CMKLR2: variants seen among roughly 807,000 people sequenced by gnomAD.
The protein encoded by CMKLR2 is chemerin-like receptor 2.
Under a neutral mutation model 23.0 loss-of-function variants are expected in CMKLR2, and 18 were observed. That is an observed-to-expected ratio of 0.78 (90% CI 0.54 to 1.16). CMKLR2 has a LOEUF of 1.16. Among genes scored for constraint, CMKLR2 ranks in the 50% most tolerant of loss-of-function variants. The probability of loss-of-function intolerance (pLI) is 0.00; values close to 1 mark genes in which losing one functional copy is unlikely to be tolerated. For missense variants in CMKLR2, 401 were observed against 412.7 expected (o/e 0.97, Z 0.25); for synonymous variants, 158 against 158.9 (o/e 0.99, Z 0.05).
chr2:206,182,763 A>T (rs562644780), intron 1 of CMKLR2, among the ~76,000 whole-genome samples: 1 of 151,950 alleles, frequency 6.6e-6, no homozygotes, highest in African/African-American at 2.4e-5. Flanking sequence ...TGGGATTACA[A>T]CTGCCACCAT....
chr2:206,202,471 T>C (rs906031895), intron 1 of CMKLR2, among the ~76,000 whole-genome samples: 2 of 152,226 alleles, frequency 1.3e-5, no homozygotes, highest in African/African-American at 4.8e-5. Context: ...TTTTTCCCTT[T>C]GTTTTTAAAA....
At chr2:206,216,952 T>C (rs561249111), upstream of CMKLR2, among the ~76,000 whole-genome samples, 1 of 152,326 alleles carries the variant, frequency 6.6e-6, no homozygotes, top group Non-Finnish European at 1.5e-5. Flanking sequence ...CTTTCTTGCA[T>C]GACGTTAAAT....
At chr2:206,195,701 T>A (rs538641415) in intron 1 of CMKLR2, among the ~76,000 whole-genome samples, 4 of 152,344 alleles carry the variant, frequency 2.6e-5, no homozygotes, top group South Asian at 2.1e-4. Context: ...ACGCCTGTAA[T>A]CCCAGCACTT....
rs1291555297 is a variant in CMKLR2, at chr2:206,193,833, G to A, written c.-28-16558C>T. On this transcript the variant is annotated intron_variant, in intron 1 of 1. Transcript: ENST00000621141. ...AAGATAGCCTTCCAAAATTTCCACT[G>A]GGGAACATGGTGGAAATTTGTACTC... is the stretch of plus-strand genomic sequence containing the variant. Among the ~76,000 whole-genome samples the A allele has an allele frequency of 2.0e-5, 3 of 152,134 alleles. No homozygotes were observed. The East Asian group carries it at 5.8e-4, about 29-fold the overall frequency.
chr2:206,200,064 A>G (rs1689044666), intron 1 of CMKLR2, among the ~76,000 whole-genome samples: 1 of 152,188 alleles, frequency 6.6e-6, no homozygotes, highest in South Asian at 2.1e-4. Flanking sequence ...GATATTAATC[A>G]CCCTGTCCCA....
intron 1 of CMKLR2, among the ~76,000 whole-genome samples, chr2:206,200,391 C>G (rs1264737613): frequency 1.3e-5 from 2 of 152,040 alleles, no homozygotes; most frequent in East Asian, 1.9e-4. Context: ...CCATTGCACT[C>G]CAGCCTGGGC....
upstream of CMKLR2, among the ~76,000 whole-genome samples, chr2:206,216,955 C>T (rs530175883): frequency 3.9e-4 from 59 of 152,084 alleles, no homozygotes; most frequent in Admixed American, 5.2e-4. Context: ...TCTTGCATGA[C>T]GTTAAATAGC....
intron 1 of CMKLR2, among the ~76,000 whole-genome samples, chr2:206,186,920 G>A (rs183644640): frequency 1.3e-5 from 2 of 151,992 alleles, no homozygotes; most frequent in East Asian, 1.9e-4. Context: ...AGGCACAGGG[G>A]CCCACACCTG....
intron 1 of CMKLR2, 41 bp from the exon 2 acceptor site, chr2:206,177,316 G>A: frequency 1.0e-6 from 1 of 976,812 alleles, no homozygotes; most frequent in Non-Finnish European, 1.5e-6. Flanking sequence ...AATTTTAAAA[G>A]AAAAATAAAA....
intron 1 of CMKLR2, among the ~76,000 whole-genome samples, chr2:206,211,575 G>C (rs1349795255): frequency 1.3e-5 from 2 of 151,832 alleles, no homozygotes; most frequent in African/African-American, 4.8e-5. Context: ...GAGATGAGAA[G>C]TCTCCACACC....
chr2:206,198,382 G>T (rs1215946770), intron 1 of CMKLR2, among the ~76,000 whole-genome samples: 1 of 152,116 alleles, frequency 6.6e-6, no homozygotes, highest in African/African-American at 2.4e-5. Flanking sequence ...GCCCAATTGG[G>T]ACCCCAGGTG....
In CMKLR2 at chr2:206,177,231, T is replaced by A. The variant is rs772384045; in HGVS notation, c.17A>T (p.Glu6Val). 8.1e-6 allele frequency: 13 copies of A among 1,598,484 alleles called. No homozygotes were observed. Among genetic ancestry groups the A allele is most frequent in the Non-Finnish European group, 1.1e-5 (13 of 1,169,936 alleles). The change falls in exon 2 of 2, where the codon GAA (glutamate) becomes GTA (valine). Residue 6 changes from glutamate (E) to valine (V), a missense_variant. Transcript: ENST00000621141. ...GTTTTCAAATTCTTCAAATAATGTT[T>A]CCTCCAAATCTTCCATGACCTTGCT... MEDLE[E>V]TLFEEFENYS... is the part of the protein sequence containing the mutation.
upstream of CMKLR2, among the ~76,000 whole-genome samples, chr2:206,216,899 C>T (rs989471876): frequency 1.2e-4 from 19 of 152,168 alleles, no homozygotes; most frequent in Non-Finnish European, 2.9e-5. Flanking sequence ...GCCAACTTGG[C>T]CTTTCATCTT....
chr2:206,183,807 T>C (rs1195157503), intron 1 of CMKLR2, among the ~76,000 whole-genome samples: 1 of 152,192 alleles, frequency 6.6e-6, no homozygotes, highest in Non-Finnish European at 1.5e-5. Context: ...TTTGAAGACA[T>C]ACTCTTGTTT....
intron 1 of CMKLR2, among the ~76,000 whole-genome samples, chr2:206,196,090 C>T (rs1688911335): frequency 6.7e-6 from 1 of 148,304 alleles, no homozygotes; most frequent in African/African-American, 2.5e-5. Context: ...AGTGCTTAAA[C>T]CAGGCCAGGC....
Position 206,176,559 on chromosome 2 carries a change from A to T in CMKLR2, c.689T>A (p.Ile230Asn), listed in dbSNP as rs141742272. The stretch of plus-strand genomic sequence containing the variant: ...GATGCTTCGCTTCTTCACCTTGAAG[A>T]TGAGACACAAGTAGCAAATACTCAT... The part of the protein sequence containing the change: ...LTMSICYLCL[I>N]FKVKKRSILI... Residue 230 changes from isoleucine (I) to asparagine (N), a missense_variant, in exon 2 of 2, where the codon ATC (isoleucine) becomes AAC (asparagine). Coordinates refer to ENST00000621141, the MANE Select transcript of CMKLR2 (RefSeq NM_001389445.1). The T allele has an allele frequency of 6.2e-7, 1 of 1,614,156 alleles. No homozygotes were observed. Among genetic ancestry groups the T allele is most frequent in the Non-Finnish European group, 8.5e-7 (1 of 1,180,014 alleles).
chr2:206,192,016 A>AT (rs910019082), intron 1 of CMKLR2, among the ~76,000 whole-genome samples: 17 of 149,838 alleles, frequency 1.1e-4, no homozygotes, highest in African/African-American at 2.2e-4. Context: ...AATTTTTTGT[A>AT]TTTTTTTTAG....
intron 1 of CMKLR2, among the ~76,000 whole-genome samples, chr2:206,195,914 A>C (rs961071647): frequency 2.0e-5 from 3 of 152,208 alleles, no homozygotes; most frequent in Non-Finnish European, 2.9e-5. Context: ...AGATCACACC[A>C]TTGCAATACA....
At chr2:206,198,901 C>T (rs1689001723) in intron 1 of CMKLR2, among the ~76,000 whole-genome samples, 1 of 152,166 alleles carries the variant, frequency 6.6e-6, no homozygotes, top group Non-Finnish European at 1.5e-5. Context: ...TAATGAGTCA[C>T]AGTTCATAAA....
Sources: gnomAD v4.1 joint callset for allele counts (sites outside exome capture counted in the v4.1 genomes callset) on GRCh38, gnomAD v4.1.1 for gene constraint, MANE v1.5 for transcripts, NCBI Gene and HGNC (gene_info 2026-07-23, HGNC 2026-07-21) for gene names.